BRINP3: variants seen among roughly 807,000 people sequenced by gnomAD.
BRINP3 encodes BMP/retinoic acid-inducible neural-specific protein 3.
In BRINP3, 19 loss-of-function variants were observed where a neutral mutation model predicts 71.0. That is an observed-to-expected ratio of 0.27 (90% CI 0.19 to 0.39). The LOEUF is 0.39. BRINP3 is among the 10% of genes least tolerant of loss of function. BRINP3 has a pLI of 1.00. For synonymous variants in BRINP3, 380 were observed against 337.7 expected (o/e 1.13, Z -1.37); for missense variants, 959 against 940.8 (o/e 1.02, Z -0.25).
intron 2 of BRINP3, among the ~76,000 whole-genome samples, chr1:190,345,977 A>C (rs1667998534): frequency 6.6e-6 from 1 of 151,986 alleles, no homozygotes; most frequent in African/African-American, 2.4e-5. Context: ...AATAAATTAT[A>C]ATAGTCACAA....
intron 2 of BRINP3, among the ~76,000 whole-genome samples, chr1:190,398,008 T>C (rs963891123): frequency 6.6e-6 from 1 of 151,992 alleles, no homozygotes; most frequent in Non-Finnish European, 1.5e-5. Context: ...GGACCATATA[T>C]GTACCTGGAG....
At chr1:190,286,973 C>T (rs1663474136) in intron 2 of BRINP3, among the ~76,000 whole-genome samples, 1 of 151,696 alleles carries the variant, frequency 6.6e-6, no homozygotes, top group Non-Finnish European at 1.5e-5. Flanking sequence ...AATCCAAGCA[C>T]TTTGGGAGGC....
Position 190,362,441 on chromosome 1 carries a change from G to A in BRINP3, c.237-80691C>T, listed in dbSNP as rs41483147. Among the ~76,000 whole-genome samples the A allele has an allele frequency of 3.2e-3, 483 of 152,222 alleles. 5 individuals are homozygous for A. The highest frequency in any genetic ancestry group is 0.011 in the African/African-American group (455 of 41,552). ...TATCTTAAATGGTAAGAATTCACCA[G>A]GAGCAAAATGTTAGGAATTTCTTGT... On this transcript the variant is annotated intron_variant, in intron 2 of 7. Coordinates refer to ENST00000367462, the MANE Select transcript of BRINP3 (RefSeq NM_199051.3).
At position 190,255,230 on chromosome 1, in the gene BRINP3, T is replaced by TTC. The variant is rs1427617621; in HGVS notation, c.618+9633_618+9634dup. 1.4e-3 allele frequency among the ~76,000 whole-genome samples: 211 copies of TTC among 148,158 alleles called. 2 individuals are homozygous for TTC. Among genetic ancestry groups the TTC allele is most frequent in the African/African-American group, 5.1e-3 (199 of 39,084 alleles). ...GTTCATCAGGGATATTGGTCTAAAA[T>TTC]TCTCTCTTTTTTTTTTTTTTTGTTG... is the stretch of plus-strand genomic sequence containing the variant. On this transcript the variant is annotated intron_variant, in intron 4 of 7. Coordinates refer to ENST00000367462, the MANE Select transcript of BRINP3 (RefSeq NM_199051.3).
intron 2 of BRINP3, among the ~76,000 whole-genome samples, chr1:190,369,922 C>A (rs1377915286): frequency 6.6e-6 from 1 of 152,100 alleles, no homozygotes; most frequent in African/African-American, 2.4e-5. Context: ...TACATTTGCA[C>A]TTTTGCAAAT....
chr1:190,368,842 A>C (rs1051359066), intron 2 of BRINP3, among the ~76,000 whole-genome samples: 1 of 152,206 alleles, frequency 6.6e-6, no homozygotes, highest in East Asian at 1.9e-4. Context: ...CACTTAATGC[A>C]TAGACATATA....
chr1:190,173,332 T>C (rs1306041509), intron 6 of BRINP3, among the ~76,000 whole-genome samples: 1 of 152,194 alleles, frequency 6.6e-6, no homozygotes, highest in African/African-American at 2.4e-5. Flanking sequence ...TATTCATGGC[T>C]AATGTTTTCA....
rs1677572066 is a variant in BRINP3 at position 190,477,465 on chromosome 1, A to G, written c.-68T>C. ...TAACTTACCAGAGGAAATTTCAGGA[A>G]GCAAGAAGACTGTGAGAAAAATACA... On this transcript the variant is annotated 5_prime_UTR_variant, in exon 1 of 8. Transcript: ENST00000367462. 1 of 152,246 alleles carries G rather than the reference A, an allele frequency of 6.6e-6. No homozygotes were observed. Among genetic ancestry groups the G allele is most frequent in the Non-Finnish European group, 1.5e-5 (1 of 68,050 alleles). 9.4% of individuals were successfully genotyped at this position (152,246 alleles called of 1,614,324 possible). A position where few individuals can be genotyped will look rare whatever the true frequency, so the allele number is the denominator to read the frequency against.
rs549066380 is a variant in BRINP3 at position 190,153,597 on chromosome 1, T to A, written c.1184+7071A>T. 1.2e-4 allele frequency among the ~76,000 whole-genome samples: 18 copies of A among 152,294 alleles called. No homozygotes were observed. The South Asian group carries it at 3.7e-3, about 32-fold the overall frequency. On this transcript the variant is annotated intron_variant, in intron 7 of 7. Coordinates refer to ENST00000367462, the MANE Select transcript of BRINP3 (RefSeq NM_199051.3). Reference sequence around the variant, plus strand: ...ATAACATGTAAGTGTAAGAAAAAACTAATATCCTAATTTCCATACAGTTTC... The same window carrying A: ...ATAACATGTAAGTGTAAGAAAAAACAAATATCCTAATTTCCATACAGTTTC...
intron 6 of BRINP3, among the ~76,000 whole-genome samples, chr1:190,174,357 A>G (rs1385665142): frequency 6.6e-6 from 1 of 152,152 alleles, no homozygotes; most frequent in African/African-American, 2.4e-5. Flanking sequence ...GAAAGGATGG[A>G]TAGAAAAAAT....
At chr1:190,358,773 A>T (rs1411630425) in intron 2 of BRINP3, among the ~76,000 whole-genome samples, 1 of 152,186 alleles carries the variant, frequency 6.6e-6, no homozygotes, top group African/African-American at 2.4e-5. Context: ...AATGTCCAAC[A>T]ATGATAGACT....
chr1:190,417,265 A>G lies in BRINP3; in HGVS notation c.236+37390T>C, dbSNP rs552562143. On this transcript the variant is annotated intron_variant, in intron 2 of 7. Transcript: ENST00000367462. The stretch of plus-strand genomic sequence containing the variant: ...AACAAAAAAAAAATCATTTTGCCAT[A>G]AAAGAAGGCAGAGAAATAAAATTAT... Among the ~76,000 whole-genome samples the G allele has an allele frequency of 2.6e-5, 4 of 152,290 alleles. No homozygotes were observed. In the East Asian group the frequency reaches 7.7e-4, roughly 29 times the overall value.
intron 4 of BRINP3, among the ~76,000 whole-genome samples, chr1:190,263,618 C>T (rs1326890404): frequency 7.5e-6 from 1 of 132,488 alleles, no homozygotes; most frequent in Admixed American, 8.6e-5. Flanking sequence ...GAAACAGAGT[C>T]TCGCTCTGTC....
chr1:190,209,574 T>C (rs1558067701), intron 6 of BRINP3, among the ~76,000 whole-genome samples: 1 of 152,162 alleles, frequency 6.6e-6, no homozygotes, highest in East Asian at 1.9e-4. Flanking sequence ...CAGTAATATT[T>C]GCTGAAGAGC....
intron 2 of BRINP3, among the ~76,000 whole-genome samples, chr1:190,437,258 T>C (rs1047592972): frequency 6.6e-6 from 1 of 151,804 alleles, no homozygotes; most frequent in Admixed American, 6.6e-5. Flanking sequence ...ATTTAACTTT[T>C]TGGGCTTTTC....
chr1:190,284,532 C>G (rs559409621), intron 2 of BRINP3, among the ~76,000 whole-genome samples: 95 of 151,934 alleles, frequency 6.3e-4, no homozygotes, highest in Non-Finnish European at 1.2e-3. Context: ...ACTCCTCTAC[C>G]CATTTATCAT....
At chr1:190,269,019 A>G (rs1305897553) in intron 3 of BRINP3, among the ~76,000 whole-genome samples, 1 of 152,162 alleles carries the variant, frequency 6.6e-6, no homozygotes, top group Non-Finnish European at 1.5e-5. Flanking sequence ...AGAAAGACTT[A>G]AAAAGAATAG....
chr1:190,365,664 ATAAT>A (rs899926209), intron 2 of BRINP3, among the ~76,000 whole-genome samples: 12 of 122,070 alleles, frequency 9.8e-5, no homozygotes, highest in African/African-American at 2.9e-4. Flanking sequence ...AAAATATATT[ATAAT>A]TAATATAATA....
intron 2 of BRINP3, among the ~76,000 whole-genome samples, chr1:190,410,750 A>G (rs1672611427): frequency 6.6e-6 from 1 of 152,178 alleles, no homozygotes; most frequent in Admixed American, 6.5e-5. Flanking sequence ...AGTGCAATGC[A>G]GCTAAAGGTA....
Sources: gnomAD v4.1 joint callset for allele counts (sites outside exome capture counted in the v4.1 genomes callset) on GRCh38, gnomAD v4.1.1 for gene constraint, MANE v1.5 for transcripts, NCBI Gene and HGNC (gene_info 2026-07-23, HGNC 2026-07-21) for gene names.